The following UBE2D2 variants were observed in gnomAD, a reference collection of about 807,000 sequenced individuals.
The protein encoded by UBE2D2 is ubiquitin-conjugating enzyme E2 D2.
A neutral mutation model predicts 24.2 loss-of-function variants in UBE2D2; 2 were observed. That is an observed-to-expected ratio of 0.08 (90% confidence interval 0.03 to 0.26). The LOEUF is 0.26. Ranked by LOEUF, UBE2D2 falls within the 10% of genes least tolerant of loss-of-function variation. UBE2D2 has a pLI of 1.00. For missense variants in UBE2D2, 44 were observed against 177.6 expected, an observed-to-expected ratio of 0.25 and a Z score of 4.28; for synonymous variants, 58 against 56.5, an observed-to-expected ratio of 1.03 and a Z score of -0.12.
At position 139,561,739 on chromosome 5, in the gene UBE2D2, C is replaced by T. The variant is rs1332699783; in HGVS notation, c.-53C>T. The T allele has an allele frequency of 1.5e-6, 2 of 1,343,206 alleles. No individual in the cohort carries two copies. Among genetic ancestry groups the T allele is most frequent in the Admixed American group, 2.8e-5 (1 of 35,400 alleles). 83.2% of individuals were successfully genotyped at this position (1,343,206 alleles called of 1,614,324 possible). On this transcript the variant is annotated 5_prime_UTR_variant, in exon 1 of 7. Coordinates refer to ENST00000398733, the MANE Select transcript of UBE2D2 (RefSeq NM_003339.3). ...TCAGGCTCCCTAGCCCCTTCCCCGT[C>T]CCTTCCCCGCCCCCGTCCCCGCCCC...
At chr5:139,558,456 T>C (rs1051849570), upstream of UBE2D2, among the ~76,000 whole-genome samples, 1 of 152,084 alleles carries the variant, frequency 6.6e-6, no homozygotes, top group Non-Finnish European at 1.5e-5. Context: ...GCCCGGCTAA[T>C]TTTTTGTATT....
At chr5:139,587,628 G>A (rs549319910) in intron 1 of UBE2D2, among the ~76,000 whole-genome samples, 25 of 144,552 alleles carry the variant, frequency 1.7e-4, no homozygotes, top group Admixed American at 2.9e-4. Flanking sequence ...AGCCAAGGTC[G>A]CGCCACTGCA....
intron 5 of UBE2D2, among the ~76,000 whole-genome samples, chr5:139,615,242 T>G (rs1265161994): frequency 6.6e-6 from 1 of 152,236 alleles, no homozygotes; most frequent in Middle Eastern, 3.4e-3. Flanking sequence ...CTCAGCACTT[T>G]GGGAGGCCGA....
At position 139,542,885 on chromosome 5, in the gene UBE2D2, C is replaced by G. The variant is rs144773446; in HGVS notation, c.-64+16273C>G. 2.0e-4 allele frequency among the ~76,000 whole-genome samples: 31 copies of G among 152,216 alleles called. No individual in the cohort carries two copies. The East Asian group carries it at 5.0e-3, about 25-fold the overall frequency. On this transcript the variant is annotated intron_variant, in intron 1 of 6. Coordinates refer to the UBE2D2 transcript ENST00000511725. ...GTTTCTGTGTTGTTTTAATAGTTTA[C>G]ACAAACATATGTAACTTTTTATTTG...
At chr5:139,613,277 T>A (rs929092967) in intron 2 of UBE2D2, among the ~76,000 whole-genome samples, 2 of 152,192 alleles carry the variant, frequency 1.3e-5, no homozygotes, top group Non-Finnish European at 2.9e-5. Context: ...GGCTTCTTAG[T>A]CTTCATGTTT....
At chr5:139,550,350 G>C (rs1268924168) in intron 1 of UBE2D2, among the ~76,000 whole-genome samples, 1 of 152,138 alleles carries the variant, frequency 6.6e-6, no homozygotes, top group Non-Finnish European at 1.5e-5. Context: ...TCAACACTCT[G>C]CGTCTAGCTC....
At chr5:139,563,662 G>A (rs1440115519) in intron 1 of UBE2D2, among the ~76,000 whole-genome samples, 1 of 152,198 alleles carries the variant, frequency 6.6e-6, no homozygotes, top group African/African-American at 2.4e-5. Flanking sequence ...GCCGGGCGCG[G>A]TGGCTCACGC....
chr5:139,562,435 G>C, intron 1 of UBE2D2: 1 of 1,293,978 alleles, frequency 7.7e-7, no homozygotes, highest in East Asian at 5.3e-5. Flanking sequence ...GAGGGAAGTA[G>C]AGGGAGAATC....
At chr5:139,562,831 C>A (rs1753140083) in intron 1 of UBE2D2, among the ~76,000 whole-genome samples, 1 of 152,014 alleles carries the variant, frequency 6.6e-6, no homozygotes, top group Non-Finnish European at 1.5e-5. Context: ...GTGCCACTTT[C>A]ATGTTTTTTT....
At chr5:139,552,503 T>C (rs1458509956) in intron 1 of UBE2D2, among the ~76,000 whole-genome samples, 3 of 135,878 alleles carry the variant, frequency 2.2e-5, no homozygotes, top group Non-Finnish European at 4.6e-5. Flanking sequence ...TTCTTTTTTC[T>C]TTTTTCTTTT....
chr5:139,619,764 G>C (rs909834438), intron 5 of UBE2D2, among the ~76,000 whole-genome samples: 7 of 152,162 alleles, frequency 4.6e-5, no homozygotes, highest in Admixed American at 4.6e-4. Context: ...TTGGGAGGCT[G>C]AGGCGGGAGA....
intron 1 of UBE2D2, among the ~76,000 whole-genome samples, chr5:139,575,280 T>A (rs554387706): frequency 3.3e-5 from 5 of 152,304 alleles, no homozygotes; most frequent in African/African-American, 1.2e-4. Context: ...AAGGGGCTTC[T>A]TAGATTTGGT....
intron 1 of UBE2D2, among the ~76,000 whole-genome samples, chr5:139,594,744 A>G (rs567481424): frequency 3.9e-5 from 6 of 152,226 alleles, no homozygotes; most frequent in South Asian, 2.1e-4. Flanking sequence ...AGAATGTTCT[A>G]CTTTAACTGT....
At chr5:139,551,375 A>C (rs1417678216) in intron 1 of UBE2D2, among the ~76,000 whole-genome samples, 2 of 152,176 alleles carry the variant, frequency 1.3e-5, no homozygotes, top group Admixed American at 1.3e-4. Flanking sequence ...ATATTTCTCC[A>C]GGAGAACTCC....
At chr5:139,588,248 GTTTTT>G (rs1206193414) in intron 1 of UBE2D2, among the ~76,000 whole-genome samples, 4 of 146,940 alleles carry the variant, frequency 2.7e-5, no homozygotes, top group South Asian at 4.3e-4. Flanking sequence ...CTTGTTTAGC[GTTTTT>G]TTTTTTGTTT....
At chr5:139,622,096 G>A (rs1754522324) in intron 5 of UBE2D2, among the ~76,000 whole-genome samples, 1 of 152,122 alleles carries the variant, frequency 6.6e-6, no homozygotes, top group Non-Finnish European at 1.5e-5. Flanking sequence ...AGGAGTTCAG[G>A]CATAAAGACA....
intron 1 of UBE2D2, among the ~76,000 whole-genome samples, chr5:139,586,682 A>G (rs948571345): frequency 3.3e-5 from 5 of 151,956 alleles, no homozygotes; most frequent in Admixed American, 3.3e-4. Context: ...GGAGAATGGC[A>G]TGAACCCGGG....
At chr5:139,588,854 C>A (rs1753786216) in intron 1 of UBE2D2, among the ~76,000 whole-genome samples, 1 of 152,140 alleles carries the variant, frequency 6.6e-6, no homozygotes, top group African/African-American at 2.4e-5. Context: ...CCTCGACCTC[C>A]TGGGCTCAAG....
chr5:139,623,557 T>C (rs981166344), intron 6 of UBE2D2, 96 bp downstream of exon 6: 2 of 987,152 alleles, frequency 2.0e-6, no homozygotes, highest in African/African-American at 3.2e-5. Context: ...GGCCAGATAT[T>C]TAAAGTGAAG....
Sources: allele counts gnomAD v4.1 joint callset (sites outside exome capture counted in the v4.1 genomes callset), GRCh38; gene constraint gnomAD v4.1.1; transcripts MANE v1.5; gene names NCBI Gene and HGNC (gene_info 2026-07-23, HGNC 2026-07-21).